SETBP1: variants seen among roughly 807,000 people sequenced by gnomAD.
The protein encoded by SETBP1 is SET binding protein 1.
A neutral mutation model predicts 101.0 loss-of-function variants in SETBP1; 9 were observed. That is an observed-to-expected ratio of 0.09 (90% confidence interval 0.05 to 0.16). The LOEUF (loss-of-function observed/expected upper bound fraction) is 0.16. SETBP1 is among the 10% of genes least tolerant of loss of function. The pLI, the probability that SETBP1 is intolerant of heterozygous loss-of-function variation, is 1.00. For synonymous variants in SETBP1, 818 were observed against 788.5 expected (o/e 1.04, Z -0.63); for missense variants, 1,858 against 2,033.8 (o/e 0.91, Z 1.66).
chr18:44,837,860 TCTGCCTTA>T (rs1470918720), intron 2 of SETBP1, among the ~76,000 whole-genome samples: 1 of 152,268 alleles, frequency 6.6e-6, no homozygotes, highest in African/African-American at 2.4e-5. Flanking sequence ...TTTCAGATTA[TCTGCCTTA>T]CAGTCGTGGG....
chr18:45,063,600 C>CA lies in SETBP1; in HGVS notation c.4694dup (p.Gln1566AlafsTer26). The CA allele has an allele frequency of 6.3e-7, 1 of 1,591,990 alleles. No individual in the cohort carries two copies. The highest frequency in any genetic ancestry group is 8.6e-7 in the Non-Finnish European group (1 of 1,169,516). ...ACCGCAGGCCCCCGCTCAGCCCCCA[C>CA]AGCAGTCGCCCCCGCAGCAGCCCCT... On this transcript the variant is annotated frameshift_variant, in exon 6 of 6. Transcript: ENST00000649279. LOFTEE classifies it high-confidence loss of function.
At chr18:44,996,758 C>T (rs566560761) in intron 4 of SETBP1, among the ~76,000 whole-genome samples, 2 of 152,110 alleles carry the variant, frequency 1.3e-5, no homozygotes, top group Non-Finnish European at 2.9e-5. Flanking sequence ...TCAGGCAGAT[C>T]TTTGGGCTGC....
At chr18:44,845,988 A>T (rs2072716983) in intron 2 of SETBP1, among the ~76,000 whole-genome samples, 1 of 152,204 alleles carries the variant, frequency 6.6e-6, no homozygotes, top group Non-Finnish European at 1.5e-5. Flanking sequence ...GCAGAGGGGA[A>T]GGCTGGTGGT....
At chr18:44,889,232 T>C (rs1409121232) in intron 3 of SETBP1, among the ~76,000 whole-genome samples, 1 of 152,174 alleles carries the variant, frequency 6.6e-6, no homozygotes, top group Admixed American at 6.5e-5. Context: ...CCTCCGTGGC[T>C]TTAAAAACAT....
At chr18:44,729,183 C>T (rs2069780815) in intron 2 of SETBP1, among the ~76,000 whole-genome samples, 1 of 152,130 alleles carries the variant, frequency 6.6e-6, no homozygotes, top group African/African-American at 2.4e-5. Flanking sequence ...TCTTTGGACC[C>T]CGTGTCCTAG....
chr18:44,723,501 CG>C (rs903578788), intron 2 of SETBP1, among the ~76,000 whole-genome samples: 10 of 151,820 alleles, frequency 6.6e-5, no homozygotes, highest in African/African-American at 2.2e-4. Flanking sequence ...CGACAGTCGG[CG>C]GGGGGAAAAA....
intron 3 of SETBP1, among the ~76,000 whole-genome samples, chr18:44,898,694 C>A (rs1239935858): frequency 6.6e-6 from 1 of 152,054 alleles, no homozygotes; most frequent in Non-Finnish European, 1.5e-5. Context: ...GAGTAAATTC[C>A]TTTTAGGATT....
At chr18:45,061,377 T>C (rs1017614381) in intron 5 of SETBP1, among the ~76,000 whole-genome samples, 1 of 152,222 alleles carries the variant, frequency 6.6e-6, no homozygotes, top group Non-Finnish European at 1.5e-5. Context: ...TTCTTGCCTC[T>C]GATAACTTAC....
intron 4 of SETBP1, among the ~76,000 whole-genome samples, chr18:45,005,152 A>G (rs2145351323): frequency 1.3e-5 from 2 of 152,348 alleles, no homozygotes; most frequent in South Asian, 4.1e-4. Context: ...GGAAGAAAAT[A>G]CAACCTCATG....
At chr18:44,945,684 A>T (rs1285042296) in intron 3 of SETBP1, among the ~76,000 whole-genome samples, 2 of 152,198 alleles carry the variant, frequency 1.3e-5, no homozygotes, top group African/African-American at 2.4e-5. Flanking sequence ...CTGTTCCCTC[A>T]CATGTTAGCT....
chr18:44,772,242 G>A (rs944878633), intron 2 of SETBP1, among the ~76,000 whole-genome samples: 1 of 152,276 alleles, frequency 6.6e-6, no homozygotes, highest in Middle Eastern at 3.4e-3. Context: ...TTGCTCAAGG[G>A]TCATCGTGTG....
At chr18:44,910,656 G>T (rs1164386328) in intron 3 of SETBP1, among the ~76,000 whole-genome samples, 2 of 152,070 alleles carry the variant, frequency 1.3e-5, no homozygotes, top group Non-Finnish European at 2.9e-5. Flanking sequence ...TCTTCCCCCA[G>T]AGGAAACTAA....
At chr18:45,001,755 C>G (rs975471605) in intron 4 of SETBP1, among the ~76,000 whole-genome samples, 1 of 152,082 alleles carries the variant, frequency 6.6e-6, no homozygotes, top group African/African-American at 2.4e-5. Context: ...GGTAACATAC[C>G]AAGATGCCAC....
At chr18:44,767,202 A>G (rs2070778633) in intron 2 of SETBP1, among the ~76,000 whole-genome samples, 1 of 152,256 alleles carries the variant, frequency 6.6e-6, no homozygotes, top group African/African-American at 2.4e-5. Context: ...GTCCAAGCAC[A>G]GATGATGCGC....
At chr18:44,943,365 T>C (rs1045159275) in intron 3 of SETBP1, among the ~76,000 whole-genome samples, 3 of 152,226 alleles carry the variant, frequency 2.0e-5, no homozygotes, top group Non-Finnish European at 4.4e-5. Flanking sequence ...AGTTCAGAAA[T>C]GTCTTTGCAA....
rs990029451 is a variant in SETBP1, at chr18:45,065,196, T to C, written c.*1498T>C. The C allele has an allele frequency of 6.6e-6, 1 of 152,214 alleles. No individual in the cohort carries two copies. The highest frequency in any genetic ancestry group is 1.5e-5 in the Non-Finnish European group (1 of 68,040). The allele number at this position is 152,214 out of a possible 1,614,324, so 9.4% of individuals were successfully genotyped here. ...TTTCCACAGCCCAAATAAAATATGT[T>C]AAGCAGGCTCAGAATGAATATGAAG... On this transcript the variant is annotated 3_prime_UTR_variant, in exon 6 of 6. Transcript: ENST00000649279.
At chr18:44,682,192 T>C (rs752453561) in intron 1 of SETBP1, among the ~76,000 whole-genome samples, 13 of 152,186 alleles carry the variant, frequency 8.5e-5, no homozygotes, top group Non-Finnish European at 1.6e-4. Context: ...CTTTAGTAAA[T>C]AGGTATATCT....
At chr18:44,705,768 A>G (rs978140405) in intron 2 of SETBP1, among the ~76,000 whole-genome samples, 1 of 152,182 alleles carries the variant, frequency 6.6e-6, no homozygotes, top group African/African-American at 2.4e-5. Context: ...ATATATGTGT[A>G]GCATCGTCAA....
At chr18:44,898,291 A>G (rs1040763300) in intron 3 of SETBP1, among the ~76,000 whole-genome samples, 1 of 152,184 alleles carries the variant, frequency 6.6e-6, no homozygotes, top group African/African-American at 2.4e-5. Context: ...TAATATATTT[A>G]TACAGTGAAT....
Sources: gnomAD v4.1 joint callset for allele counts (sites outside exome capture counted in the v4.1 genomes callset) on GRCh38, gnomAD v4.1.1 for gene constraint, MANE v1.5 for transcripts, NCBI Gene and HGNC (gene_info 2026-07-23, HGNC 2026-07-21) for gene names.